Variants in ERBB4 observed in about 807,000 individuals in gnomAD.
The protein encoded by ERBB4 is erb-b2 receptor tyrosine kinase 4.
ERBB4 carries 42 observed loss-of-function variants against 158.0 expected under a neutral mutation model. That is an observed-to-expected ratio of 0.27 (90% confidence interval 0.21 to 0.34). ERBB4 has a LOEUF of 0.34. ERBB4 is among the 10% of genes least tolerant of loss of function. The pLI is 1.00. For synonymous variants in ERBB4, 583 were observed against 558.7 expected (o/e 1.04, Z -0.61); for missense variants, 1,333 against 1,624.1 (o/e 0.82, Z 3.08).
At chr2:212,146,701 A>T in intron 1 of ERBB4, among the ~76,000 whole-genome samples, 1 of 151,956 alleles carries the variant, frequency 6.6e-6, no homozygotes, top group Non-Finnish European at 1.5e-5. Flanking sequence ...GCAAGCATTC[A>T]CTCTATTTAA....
Position 211,681,888 on chromosome 2 carries a change from G to T in ERBB4, c.1490-2704C>A, listed in dbSNP as rs185779848. Among the ~76,000 whole-genome samples the T allele has an allele frequency of 7.8e-4, 118 of 150,832 alleles. 1 individual carries two copies. The highest frequency in any genetic ancestry group is 2.1e-4 in the South Asian group (1 of 4,746). ...TTGACATCATATCTAAAAAGTTTTT[G>T]GTGTGTCCAACCCAGGTTCACAAAG... On this transcript the variant is annotated intron_variant, in intron 12 of 27. Transcript: ENST00000342788.
chr2:211,403,596 T>A (rs957180004), intron 25 of ERBB4, among the ~76,000 whole-genome samples: 10 of 152,162 alleles, frequency 6.6e-5, no homozygotes, highest in African/African-American at 2.4e-4. Context: ...TTATCTCCAC[T>A]GCACTTTAAC....
chr2:211,547,761 T>TAA (rs539001326), intron 20 of ERBB4, among the ~76,000 whole-genome samples: 3 of 145,600 alleles, frequency 2.1e-5, no homozygotes, highest in African/African-American at 7.5e-5. Flanking sequence ...ACTTTTCTGT[T>TAA]AAAAAAAAAA....
chr2:211,819,246 T>A (rs1178430770), intron 3 of ERBB4, among the ~76,000 whole-genome samples: 1 of 152,052 alleles, frequency 6.6e-6, no homozygotes, highest in Non-Finnish European at 1.5e-5. Context: ...GAGACAGACA[T>A]GGTGCTAAGA....
intron 1 of ERBB4, among the ~76,000 whole-genome samples, chr2:212,132,315 G>T (rs892486420): frequency 6.6e-6 from 1 of 152,138 alleles, no homozygotes; most frequent in Admixed American, 6.5e-5. Context: ...CAAGGGATGG[G>T]CCTGTGATGG....
chr2:211,448,388 G>C (rs2064163382), intron 20 of ERBB4, among the ~76,000 whole-genome samples: 1 of 152,034 alleles, frequency 6.6e-6, no homozygotes, highest in Admixed American at 6.6e-5. Flanking sequence ...CTAACTTTGA[G>C]CAAGGTGTTT....
At chr2:212,156,376 A>G (rs890452242) in intron 1 of ERBB4, among the ~76,000 whole-genome samples, 2 of 152,126 alleles carry the variant, frequency 1.3e-5, no homozygotes, top group African/African-American at 4.8e-5. Context: ...GATTAGTGTC[A>G]CTACAGTCAA....
At chr2:211,681,152 T>G (rs6741480) in intron 12 of ERBB4, among the ~76,000 whole-genome samples, 70,995 of 151,966 alleles carry the variant, frequency 0.47, 17,661 homozygotes, top group African/African-American at 0.6. Flanking sequence ...TATATAATTA[T>G]GTTGAGTTTC....
intron 1 of ERBB4, among the ~76,000 whole-genome samples, chr2:212,396,465 C>T (rs553716042): frequency 1.3e-3 from 192 of 152,132 alleles, no homozygotes; most frequent in Non-Finnish European, 2.2e-3. Flanking sequence ...TGGTTTCCTC[C>T]TCTGAAAAAG....
chr2:211,735,006 G>A lies in ERBB4; in HGVS notation c.623-9812C>T, dbSNP rs572993950. 8.7e-5 allele frequency among the ~76,000 whole-genome samples: 13 copies of A among 149,930 alleles called. No homozygotes were observed. In the South Asian group the frequency reaches 2.6e-3, roughly 29 times the overall value. On this transcript the variant is annotated intron_variant, in intron 5 of 27. Coordinates refer to ENST00000342788, the MANE Select transcript of ERBB4 (RefSeq NM_005235.3). The stretch of plus-strand genomic sequence containing the variant: ...GTGAAGTGAAACAAAAGTGATAGAC[G>A]AATAGACATGGCATACATATTTTTG...
chr2:211,433,582 AAAAT>A (rs2063789199), intron 20 of ERBB4, among the ~76,000 whole-genome samples: 2 of 149,254 alleles, frequency 1.3e-5, no homozygotes, highest in African/African-American at 2.6e-5. Flanking sequence ...CTCTCAAAAA[AAAAT>A]AAAATAAAAT....
Position 212,530,371 on chromosome 2 carries a change from T to C in ERBB4, c.82+8078A>G, listed in dbSNP as rs550052750. Among the ~76,000 whole-genome samples, 4 of 152,322 alleles carry C rather than the reference T, an allele frequency of 2.6e-5. No homozygotes were observed. In the South Asian group the frequency reaches 8.3e-4, roughly 32 times the overall value. On this transcript the variant is annotated intron_variant, in intron 1 of 27. Transcript: ENST00000342788. ...GTATAAAAGAAATATTATCCTGTTG[T>C]ATTTTTATTTGGTTTTCATAGGTCC...
intron 20 of ERBB4, among the ~76,000 whole-genome samples, chr2:211,540,251 T>C (rs369463760): frequency 4.0e-5 from 6 of 151,552 alleles, no homozygotes; most frequent in African/African-American, 1.5e-4. Flanking sequence ...CACTGTATAT[T>C]TATTTTGAGC....
chr2:212,353,293 T>A (rs1458569830), intron 1 of ERBB4, among the ~76,000 whole-genome samples: 1 of 151,512 alleles, frequency 6.6e-6, no homozygotes, highest in South Asian at 2.1e-4. Flanking sequence ...TGTATCATTA[T>A]ACAAATTATT....
At chr2:211,938,596 C>T (rs1185969817) in intron 3 of ERBB4, among the ~76,000 whole-genome samples, 2 of 152,094 alleles carry the variant, frequency 1.3e-5, no homozygotes, top group African/African-American at 2.4e-5. Flanking sequence ...TGTTGTGTGG[C>T]ACATATTGAA....
chr2:211,652,582 T>C (rs2071034767), intron 16 of ERBB4, among the ~76,000 whole-genome samples: 1 of 152,200 alleles, frequency 6.6e-6, no homozygotes, highest in Non-Finnish European at 1.5e-5. Context: ...GTCACACTGC[T>C]AAAGGATTAA....
chr2:212,162,923 A>G (rs113449111), intron 1 of ERBB4, among the ~76,000 whole-genome samples: 1,613 of 152,084 alleles, frequency 0.011, 13 homozygotes, highest in Middle Eastern at 0.024. Context: ...GCTCTTAAGT[A>G]GTTCTCTTGG....
At chr2:212,268,930 A>G (rs181590993) in intron 1 of ERBB4, among the ~76,000 whole-genome samples, 3 of 152,016 alleles carry the variant, frequency 2.0e-5, no homozygotes, top group Admixed American at 2.0e-4. Context: ...AGTACTCAAA[A>G]TAATTCCAGG....
intron 3 of ERBB4, among the ~76,000 whole-genome samples, chr2:211,869,002 C>T (rs576543650): frequency 6.6e-6 from 1 of 152,102 alleles, no homozygotes; most frequent in Non-Finnish European, 1.5e-5. Flanking sequence ...ATGTTGCTCC[C>T]TACATAAAAA....
Sources: gnomAD v4.1 joint callset for allele counts (sites outside exome capture counted in the v4.1 genomes callset) on GRCh38, gnomAD v4.1.1 for gene constraint, MANE v1.5 for transcripts, NCBI Gene and HGNC (gene_info 2026-07-23, HGNC 2026-07-21) for gene names.